CDH12: variants seen among roughly 807,000 people sequenced by gnomAD.
CDH12 encodes cadherin 12, also known as cadherin-12.
A neutral mutation model predicts 74.1 loss-of-function variants in CDH12; 41 were observed. That is an observed-to-expected ratio of 0.55 (90% CI 0.43 to 0.72). The LOEUF is 0.72. Ranked by LOEUF, CDH12 falls within the 30% of genes least tolerant of loss-of-function variation. The probability of loss-of-function intolerance (pLI) is 0.00; values close to 1 mark genes in which losing one functional copy is unlikely to be tolerated. For missense variants in CDH12, 945 were observed against 977.2 expected (o/e 0.97, Z 0.44); for synonymous variants, 399 against 355.0 (o/e 1.12, Z -1.39).
At chr5:22,491,478 T>A (rs954205608) in intron 2 of CDH12, among the ~76,000 whole-genome samples, 4 of 152,028 alleles carry the variant, frequency 2.6e-5, no homozygotes, top group African/African-American at 9.7e-5. Context: ...TAACTAGGAT[T>A]GCCATAATAA....
At chr5:22,552,725 C>A (rs1738628902) in intron 1 of CDH12, among the ~76,000 whole-genome samples, 1 of 152,116 alleles carries the variant, frequency 6.6e-6, no homozygotes. Context: ...CCATGCCTGG[C>A]CAACACTCCC....
At chr5:21,984,905 T>A (rs1384318044) in intron 5 of CDH12, among the ~76,000 whole-genome samples, 1 of 152,154 alleles carries the variant, frequency 6.6e-6, no homozygotes, top group Non-Finnish European at 1.5e-5. Flanking sequence ...TACACAATAT[T>A]TCAGCACCAG....
intron 5 of CDH12, among the ~76,000 whole-genome samples, chr5:22,008,955 ACTTG>A (rs1240233183): frequency 6.6e-6 from 1 of 152,134 alleles, no homozygotes; most frequent in Non-Finnish European, 1.5e-5. Context: ...ATGGCGTAGA[ACTTG>A]CTTAATTTTT....
chr5:22,235,268 T>A (rs556266494), intron 3 of CDH12, among the ~76,000 whole-genome samples: 1 of 152,050 alleles, frequency 6.6e-6, no homozygotes, highest in Non-Finnish European at 1.5e-5. Context: ...CAGAAACAGA[T>A]TGATAACATC....
At chr5:22,019,319 AT>A (rs982084284) in intron 5 of CDH12, among the ~76,000 whole-genome samples, 6 of 152,170 alleles carry the variant, frequency 3.9e-5, no homozygotes, top group Non-Finnish European at 7.4e-5. Context: ...TTTAGGCATG[AT>A]TTTTTTTCCA....
chr5:22,247,123 T>C (rs773189207), intron 3 of CDH12, among the ~76,000 whole-genome samples: 2 of 152,182 alleles, frequency 1.3e-5, no homozygotes, highest in Non-Finnish European at 2.9e-5. Context: ...ACCTTTGATA[T>C]CAGTTTAGAA....
intron 3 of CDH12, among the ~76,000 whole-genome samples, chr5:22,285,321 ATTTGTGAACCGT>A (rs144231925): frequency 0.045 from 6,902 of 152,248 alleles, 202 homozygotes; most frequent in Non-Finnish European, 0.071. Context: ...ATAAGTTAAG[ATTTGTGAACCGT>A]GCATATTTGC....
At chr5:22,722,956 C>T (rs541728507) in intron 1 of CDH12, among the ~76,000 whole-genome samples, 1 of 152,214 alleles carries the variant, frequency 6.6e-6, no homozygotes, top group East Asian at 1.9e-4. Flanking sequence ...AAATATCACC[C>T]TAAATGAAGC....
At chr5:22,746,745 G>T (rs183450319) in intron 1 of CDH12, among the ~76,000 whole-genome samples, 1 of 152,276 alleles carries the variant, frequency 6.6e-6, no homozygotes, top group East Asian at 1.9e-4. Context: ...AGCCAGCACA[G>T]TAACATATTA....
At chr5:21,777,132 T>A (rs1472936834) in intron 11 of CDH12, among the ~76,000 whole-genome samples, 1 of 152,198 alleles carries the variant, frequency 6.6e-6, no homozygotes, top group African/African-American at 2.4e-5. Context: ...AATAAGAGTA[T>A]GATGTCAGGT....
chr5:22,275,460 T>C (rs1736592436), intron 3 of CDH12, among the ~76,000 whole-genome samples: 1 of 152,158 alleles, frequency 6.6e-6, no homozygotes. Context: ...AAACGGGTGC[T>C]TTTCTTAGGT....
intron 5 of CDH12, among the ~76,000 whole-genome samples, chr5:22,068,964 C>T (rs957861549): frequency 3.3e-5 from 5 of 152,160 alleles, no homozygotes; most frequent in African/African-American, 4.8e-5. Flanking sequence ...GGCACCATTC[C>T]CCAAGGAAAT....
intron 3 of CDH12, among the ~76,000 whole-genome samples, chr5:22,384,937 T>C (rs2968281): frequency 0.42 from 63,531 of 152,026 alleles, 14,614 homozygotes; most frequent in Non-Finnish European, 0.52. Context: ...CCATGTGTTG[T>C]CATTGTTTCT....
chr5:22,480,753 A>T (rs2126623108), intron 2 of CDH12, among the ~76,000 whole-genome samples: 1 of 152,220 alleles, frequency 6.6e-6, no homozygotes, highest in South Asian at 2.1e-4. Context: ...TTTCCATTGC[A>T]AATGCCCAGG....
chr5:21,928,307 G>A (rs972924985), intron 6 of CDH12, among the ~76,000 whole-genome samples: 2 of 152,098 alleles, frequency 1.3e-5, no homozygotes, highest in African/African-American at 4.8e-5. Context: ...AGACAATAAG[G>A]AAAATGAAAC....
intron 3 of CDH12, among the ~76,000 whole-genome samples, chr5:22,278,389 A>G (rs1033047896): frequency 6.6e-6 from 1 of 152,208 alleles, no homozygotes; most frequent in Non-Finnish European, 1.5e-5. Flanking sequence ...GGGAAAATGA[A>G]TCAAATAAAT....
At chr5:22,521,130 A>T (rs1281435992) in intron 1 of CDH12, among the ~76,000 whole-genome samples, 1 of 151,960 alleles carries the variant, frequency 6.6e-6, no homozygotes, top group Non-Finnish European at 1.5e-5. Context: ...AAAAGCAAAG[A>T]TCTCTATTGA....
chr5:21,883,597 A>T, intron 6 of CDH12: 2 of 1,604,144 alleles, frequency 1.2e-6, no homozygotes, highest in Non-Finnish European at 1.7e-6. Context: ...AATCTTGAAG[A>T]TGTTCAGCCT....
intron 6 of CDH12, among the ~76,000 whole-genome samples, chr5:21,858,712 T>C (rs1047942088): frequency 1.3e-5 from 2 of 151,918 alleles, no homozygotes; most frequent in African/African-American, 2.4e-5. Context: ...TTATATCTTA[T>C]CTAAAGGGGA....
Sources: gnomAD v4.1 joint callset for allele counts (sites outside exome capture counted in the v4.1 genomes callset) on GRCh38, gnomAD v4.1.1 for gene constraint, MANE v1.5 for transcripts, NCBI Gene and HGNC (gene_info 2026-07-23, HGNC 2026-07-21) for gene names.